The following SOX6 variants were observed in gnomAD, a reference collection of about 807,000 sequenced individuals.
SOX6 encodes the protein SRY-box transcription factor 6, also known as transcription factor SOX-6.
A neutral mutation model predicts 97.8 loss-of-function variants in SOX6; 11 were observed. That is an observed-to-expected ratio of 0.11 (90% confidence interval 0.07 to 0.19). SOX6 has a LOEUF of 0.19. Among genes scored for constraint, SOX6 ranks in the 10% least tolerant of loss-of-function variants. SOX6 has a pLI of 1.00. For missense variants in SOX6, 810 were observed against 1,039.5 expected, an observed-to-expected ratio of 0.78 and a Z score of 3.04; for synonymous variants, 360 against 371.4, an observed-to-expected ratio of 0.97 and a Z score of 0.35.
At chr11:16,275,052 T>TA (rs1337431123) in intron 3 of SOX6, among the ~76,000 whole-genome samples, 1 of 152,034 alleles carries the variant, frequency 6.6e-6, no homozygotes, top group Admixed American at 6.6e-5. Flanking sequence ...AAGTAATGGG[T>TA]ATACAAGGGT....
chr11:16,669,453 A>C (rs547701330), intron 3 of SOX6, among the ~76,000 whole-genome samples: 2 of 152,288 alleles, frequency 1.3e-5, no homozygotes, highest in Admixed American at 1.3e-4. Context: ...CCCCCAGCAT[A>C]CTGCAGCAGC....
chr11:16,486,868 A>T (rs1416241245), intron 4 of SOX6, among the ~76,000 whole-genome samples: 1 of 151,988 alleles, frequency 6.6e-6, no homozygotes, highest in South Asian at 2.1e-4. Flanking sequence ...GTGCACATGT[A>T]CCCTAAAACT....
At chr11:16,013,101 G>A (rs1463347229) in intron 13 of SOX6, among the ~76,000 whole-genome samples, 3 of 152,106 alleles carry the variant, frequency 2.0e-5, no homozygotes, top group Non-Finnish European at 4.4e-5. Flanking sequence ...ATTACTGAGA[G>A]ATAACTGACT....
chr11:16,053,670 T>C (rs983361004), intron 10 of SOX6, among the ~76,000 whole-genome samples: 1 of 152,180 alleles, frequency 6.6e-6, no homozygotes, highest in African/African-American at 2.4e-5. Context: ...CTTCTGATGT[T>C]GACAGTTATA....
intron 6 of SOX6, among the ~76,000 whole-genome samples, chr11:16,117,302 G>A (rs1013751368): frequency 1.5e-4 from 22 of 150,342 alleles, no homozygotes; most frequent in African/African-American, 4.4e-4. Context: ...GCAGTGAGCC[G>A]AGATCATGCC....
At chr11:16,167,267 C>CT (rs1441213388) in intron 6 of SOX6, among the ~76,000 whole-genome samples, 2 of 152,080 alleles carry the variant, frequency 1.3e-5, no homozygotes, top group East Asian at 3.9e-4. Context: ...AAATCCTTGA[C>CT]TTTCCTCTCT....
At chr11:16,298,120 T>C (rs1000442322) in intron 3 of SOX6, among the ~76,000 whole-genome samples, 1 of 152,206 alleles carries the variant, frequency 6.6e-6, no homozygotes, top group African/African-American at 2.4e-5. Flanking sequence ...CATACTAATA[T>C]ACGTTCTTCT....
At position 16,607,003 on chromosome 11, in the gene SOX6, G is replaced by C. The variant is rs1402023341; in HGVS notation, n.609+5078C>G. ...CCCCTCCGCGTCGGCCCCTCGGAGC[G>C]CCCTCCTCCCGCTCCTCCTCCTCCT... On this transcript the variant is annotated intron_variant and non_coding_transcript_variant, in intron 4 of 5. Coordinates refer to the SOX6 transcript ENST00000524520. The surrounding 1 kb of genome is among the most constrained non-coding windows in gnomAD (Gnocchi z 6.5). Among the ~76,000 whole-genome samples, 1 of 151,790 alleles carries C rather than the reference G, an allele frequency of 6.6e-6. No individual in the cohort carries two copies. Among genetic ancestry groups the C allele is most frequent in the African/African-American group, 2.4e-5 (1 of 41,314 alleles).
intron 3 of SOX6, chr11:16,314,246 T>A (rs1855696434): frequency 1.3e-5 from 2 of 152,224 alleles, no homozygotes; most frequent in Non-Finnish European, 2.9e-5. Context: ...ACCTGAACTA[T>A]TGGCCGTTTT....
chr11:16,507,911 A>C (rs1299102344), intron 4 of SOX6, among the ~76,000 whole-genome samples: 1 of 152,230 alleles, frequency 6.6e-6, no homozygotes, highest in Non-Finnish European at 1.5e-5. Flanking sequence ...AAGCTTCTGC[A>C]CAGCAAAGGA....
chr11:16,169,257 C>T (rs1289870976), intron 6 of SOX6, among the ~76,000 whole-genome samples: 1 of 152,008 alleles, frequency 6.6e-6, no homozygotes, highest in Non-Finnish European at 1.5e-5. Flanking sequence ...TAAAACCATA[C>T]AAAATAGATG....
chr11:16,023,710 T>C (rs967658956), intron 12 of SOX6, among the ~76,000 whole-genome samples: 2 of 152,164 alleles, frequency 1.3e-5, no homozygotes, highest in African/African-American at 4.8e-5. Context: ...AATTCATTCT[T>C]TGAATTAATT....
chr11:16,099,282 AATGACTGTC>A (rs2133978062), intron 7 of SOX6, among the ~76,000 whole-genome samples: 1 of 151,988 alleles, frequency 6.6e-6, no homozygotes, highest in South Asian at 2.1e-4. Flanking sequence ...TTTTATAGTA[AATGACTGTC>A]ACTTTATGCT....
intron 1 of SOX6, among the ~76,000 whole-genome samples, chr11:16,387,105 T>C (rs1858010944): frequency 6.6e-6 from 1 of 152,178 alleles, no homozygotes; most frequent in Non-Finnish European, 1.5e-5. Context: ...TTGATCATCA[T>C]TGCTCAGTGG....
intron 4 of SOX6, among the ~76,000 whole-genome samples, chr11:16,502,240 C>T (rs1373606647): frequency 6.6e-6 from 1 of 152,116 alleles, no homozygotes; most frequent in East Asian, 1.9e-4. Flanking sequence ...CATGTTCTCA[C>T]TCATAGGTGG....
At chr11:16,394,345 C>T (rs150285903) in intron 1 of SOX6, among the ~76,000 whole-genome samples, 1 of 151,918 alleles carries the variant, frequency 6.6e-6, no homozygotes, top group East Asian at 1.9e-4. Context: ...CTTTCTATGA[C>T]CTCAAGTGAG....
At chr11:16,133,180 C>G (rs1453941129) in intron 6 of SOX6, among the ~76,000 whole-genome samples, 1 of 152,170 alleles carries the variant, frequency 6.6e-6, no homozygotes, top group Non-Finnish European at 1.5e-5. Flanking sequence ...CAAAATAGTT[C>G]AGTGCTCTCC....
At chr11:16,227,661 A>C (rs774519068) in intron 4 of SOX6, among the ~76,000 whole-genome samples, 2 of 152,108 alleles carry the variant, frequency 1.3e-5, no homozygotes, top group African/African-American at 4.8e-5. Context: ...AATCTTATCA[A>C]TGTCACAGCT....
chr11:16,328,634 A>AT (rs751903769), intron 2 of SOX6, among the ~76,000 whole-genome samples: 1 of 152,148 alleles, frequency 6.6e-6, no homozygotes, highest in African/African-American at 2.4e-5. Flanking sequence ...TATATGTAAC[A>AT]TTTTTTCTGA....
Sources: gnomAD v4.1 joint callset for allele counts (sites outside exome capture counted in the v4.1 genomes callset) on GRCh38, gnomAD v4.1.1 for gene constraint, Gnocchi (gnomAD v3.1) non-coding constraint, MANE v1.5 for transcripts, NCBI Gene and HGNC (gene_info 2026-07-23, HGNC 2026-07-21) for gene names.